The following UBR1 variants were observed in gnomAD, a reference collection of about 807,000 sequenced individuals.
UBR1 encodes the protein E3 ubiquitin-protein ligase UBR1.
Under a neutral mutation model 242.1 loss-of-function variants are expected in UBR1, and 102 were observed. The observed-to-expected ratio is 0.42, with a 90% confidence interval of 0.36 to 0.50. The LOEUF (loss-of-function observed/expected upper bound fraction) is 0.50. UBR1 is among the 20% of genes least tolerant of loss of function. UBR1 has a pLI of 0.01. For synonymous variants in UBR1, 675 were observed against 684.8 expected (o/e 0.99, Z 0.22); for missense variants, 1,772 against 2,101.8 (o/e 0.84, Z 3.07).
chr15:42,990,336 C>T lies in UBR1; in HGVS notation c.3758-216G>A, dbSNP rs950266980. Among the ~76,000 whole-genome samples, 3 of 152,120 alleles carry T rather than the reference C, an allele frequency of 2.0e-5. No individual in the cohort carries two copies. The East Asian group carries it at 5.8e-4, about 29-fold the overall frequency. On this transcript the variant is annotated intron_variant, in intron 33 of 46. Coordinates refer to ENST00000290650, the MANE Select transcript of UBR1 (RefSeq NM_174916.3). ...CTACAGGCATGTGCCACCATGCCTG[C>T]CTAGTTTTTAAACAATTTTTTTGTA... is the stretch of plus-strand genomic sequence containing the variant.
intron 14 of UBR1, among the ~76,000 whole-genome samples, chr15:43,045,103 A>C (rs1252985681): frequency 6.6e-6 from 1 of 152,164 alleles, no homozygotes; most frequent in Non-Finnish European, 1.5e-5. Context: ...AAACAAGGAT[A>C]ATCAAAATGA....
chr15:43,058,297 ACTGC>A, intron 10 of UBR1, 40 bp downstream of exon 10: 1 of 1,172,128 alleles, frequency 8.5e-7, no homozygotes. Flanking sequence ...ATTTATAAAA[ACTGC>A]CTATTTCTAT....
chr15:43,043,645 G>A (rs889106384), intron 14 of UBR1, among the ~76,000 whole-genome samples: 3 of 151,914 alleles, frequency 2.0e-5, no homozygotes, highest in African/African-American at 4.8e-5. Flanking sequence ...CAGGGTCTCC[G>A]CATGTTGGCC....
intron 44 of UBR1, among the ~76,000 whole-genome samples, chr15:42,956,531 G>A (rs754382679): frequency 6.6e-6 from 1 of 152,150 alleles, no homozygotes; most frequent in Non-Finnish European, 1.5e-5. Flanking sequence ...TCACCATGTT[G>A]GCCAGGCTGG....
At chr15:43,092,842 G>A (rs1017101322) in intron 1 of UBR1, among the ~76,000 whole-genome samples, 6 of 152,108 alleles carry the variant, frequency 3.9e-5, no homozygotes, top group East Asian at 1.9e-4. Flanking sequence ...GTGAGCCACC[G>A]CGCCCAGCCT....
chr15:43,063,630 C>A (rs948915870), intron 6 of UBR1, among the ~76,000 whole-genome samples: 2 of 151,994 alleles, frequency 1.3e-5, no homozygotes, highest in African/African-American at 4.8e-5. Flanking sequence ...ATACTGAGAC[C>A]CTGTCTCTTA....
chr15:42,953,355 G>A (rs1394351823), intron 44 of UBR1, among the ~76,000 whole-genome samples: 1 of 152,202 alleles, frequency 6.6e-6, no homozygotes, highest in Non-Finnish European at 1.5e-5. Context: ...AACCGAAGGA[G>A]AGATCCAACT....
chr15:42,990,664 C>T (rs974332747), intron 33 of UBR1, among the ~76,000 whole-genome samples: 10 of 152,202 alleles, frequency 6.6e-5, no homozygotes, highest in Non-Finnish European at 1.3e-4. Flanking sequence ...TAGCCTGCAT[C>T]TTGCCTTTGC....
At position 42,952,291 on chromosome 15, in the gene UBR1, A is replaced by T; in HGVS notation, c.4993T>A (p.Cys1665Ser). Reference protein sequence around the residue: ...FHALHCGAGVCIFLKIRECRV... With the variant: ...FHALHCGAGVSIFLKIRECRV... ...CTCACTACTCACTTTAGGAAAATGC[A>T]GACTCCGGCTCCACAGTGAAGTGCG... The change falls in exon 45 of 47, where the codon TGC (cysteine) becomes AGC (serine). Residue 1665 changes from cysteine to serine, a missense_variant. By Grantham distance (112) the Cys-to-Ser change is moderately radical. Transcript: ENST00000290650. 1 of 1,614,232 alleles carries T rather than the reference A, an allele frequency of 6.2e-7. No individual in the cohort carries two copies. Among genetic ancestry groups the T allele is most frequent in the Non-Finnish European group, 8.5e-7 (1 of 1,180,036 alleles).
intron 1 of UBR1, among the ~76,000 whole-genome samples, chr15:43,103,864 C>T (rs531476786): frequency 1.3e-5 from 2 of 152,184 alleles, no homozygotes; most frequent in East Asian, 3.9e-4. Flanking sequence ...AAGTAGTAAA[C>T]TTGGAAGCCA....
Position 43,101,829 on chromosome 15 carries a change from G to A in UBR1, c.81+4113C>T, listed in dbSNP as rs183894814. 1.1e-4 allele frequency among the ~76,000 whole-genome samples: 17 copies of A among 151,990 alleles called. No homozygotes were observed. In the East Asian group the frequency reaches 2.5e-3, roughly 23 times the overall value. The stretch of plus-strand genomic sequence containing the variant: ...CTAAAAATACAAAAATTAACCAGGC[G>A]TGGTGGCAGGCACCTGTAATCCCAG... On this transcript the variant is annotated intron_variant, in intron 1 of 46. Coordinates refer to ENST00000290650, the MANE Select transcript of UBR1 (RefSeq NM_174916.3).
At chr15:42,974,744 G>T (rs540697993) in intron 39 of UBR1, among the ~76,000 whole-genome samples, 1 of 152,240 alleles carries the variant, frequency 6.6e-6, no homozygotes, top group African/African-American at 2.4e-5. Context: ...AAACGGCTGG[G>T]ACTATAGGCA....
At chr15:43,100,446 A>G (rs1315288785) in intron 1 of UBR1, among the ~76,000 whole-genome samples, 2 of 151,970 alleles carry the variant, frequency 1.3e-5, no homozygotes, top group African/African-American at 2.4e-5. Context: ...TCCACCAATC[A>G]CTACTAATCT....
intron 10 of UBR1, among the ~76,000 whole-genome samples, chr15:43,057,021 C>A (rs1046367183): frequency 1.3e-5 from 2 of 152,070 alleles, no homozygotes; most frequent in African/African-American, 4.8e-5. Context: ...ATGTGTAAGG[C>A]ACAAAGTTGG....
intron 1 of UBR1, among the ~76,000 whole-genome samples, chr15:43,087,233 G>A (rs955256567): frequency 4.0e-5 from 6 of 151,808 alleles, no homozygotes; most frequent in African/African-American, 1.2e-4. Flanking sequence ...GTGAAACCCC[G>A]CCTCTACTAA....
rs765805431 is a variant in UBR1 at position 43,031,295 on chromosome 15, T to C, written c.2255-1227A>G. ...CAATAAATTTGGGCAAACACAATAA[T>C]AGTAAAATAACAGTAGGAAAAATAA... On this transcript the variant is annotated intron_variant, in intron 20 of 46. Coordinates refer to ENST00000290650, the MANE Select transcript of UBR1 (RefSeq NM_174916.3). Among the ~76,000 whole-genome samples, 86 of 151,570 alleles carry C rather than the reference T, an allele frequency of 5.7e-4. 1 individual carries two copies. The highest frequency in any genetic ancestry group is 9.2e-4 in the Admixed American group (14 of 15,208).
At chr15:43,043,616 T>A (rs1387857358) in intron 14 of UBR1, among the ~76,000 whole-genome samples, 1 of 152,058 alleles carries the variant, frequency 6.6e-6, no homozygotes. Flanking sequence ...ATGCCCAGTT[T>A]TTGTATTTTT....
Position 43,002,635 on chromosome 15 carries a change from T to A in UBR1, c.3579A>T (p.Gly1193=), listed in dbSNP as rs774672069. 3.1e-6 allele frequency: 5 copies of A among 1,614,078 alleles called. No homozygotes were observed. The East Asian group carries it at 1.1e-4, about 36-fold the overall frequency. The part of the protein sequence containing the change: ...IHVDLFDLES[G]EYLCPLCKSL... ...ATTTGCAAAGAGGGCAAAGATATTC[T>A]CCACTTTCCAAGTCAAAAAGGTCAA... is the stretch of plus-strand genomic sequence containing the variant. The change falls in exon 32 of 47, where the codon GGA becomes GGT. Residue 1193 remains glycine, a synonymous_variant. Coordinates refer to ENST00000290650, the MANE Select transcript of UBR1 (RefSeq NM_174916.3).
At chr15:43,044,354 C>G (rs2033457044) in intron 14 of UBR1, among the ~76,000 whole-genome samples, 1 of 152,030 alleles carries the variant, frequency 6.6e-6, no homozygotes, top group Non-Finnish European at 1.5e-5. Flanking sequence ...TGATAAGGGT[C>G]TGAACTAGGG....
Sources: allele counts gnomAD v4.1 joint callset (sites outside exome capture counted in the v4.1 genomes callset), GRCh38; gene constraint gnomAD v4.1.1; transcripts MANE v1.5; gene names NCBI Gene and HGNC (gene_info 2026-07-23, HGNC 2026-07-21).